PCDHGA3: variants seen among roughly 807,000 people sequenced by gnomAD.
PCDHGA3 encodes protocadherin gamma-A3.
A neutral mutation model predicts 58.5 loss-of-function variants in PCDHGA3; 40 were observed. The ratio of observed to expected loss-of-function variants is 0.68; its 90% CI spans 0.53 to 0.89. The LOEUF (loss-of-function observed/expected upper bound fraction) is 0.89, where lower values mean the gene tolerates loss of function less well. Ranked by LOEUF, PCDHGA3 falls within the 40% of genes least tolerant of loss-of-function variation. PCDHGA3 has a pLI of 0.00. For missense variants in PCDHGA3, 1,223 were observed against 1,195.9 expected (o/e 1.02, Z -0.33); for synonymous variants, 530 against 525.7 (o/e 1.01, Z -0.11).
At chr5:141,433,404 TATTA>T (rs142533293) in intron 1 of PCDHGA3, among the ~76,000 whole-genome samples, 252 of 146,310 alleles carry the variant, frequency 1.7e-3, no homozygotes, top group African/African-American at 6.2e-3. Context: ...TCTATCTATC[TATTA>T]CTTTCTTGTA....
chr5:141,422,876 G>A (rs2096681830), intron 1 of PCDHGA3: 1 of 1,614,248 alleles, frequency 6.2e-7, no homozygotes, highest in Non-Finnish European at 8.5e-7. Context: ...GTGTCGCTGA[G>A]CCTGTTCGTG....
chr5:141,510,015 A>G (rs2099879210), intron 3 of PCDHGA3, among the ~76,000 whole-genome samples: 1 of 152,210 alleles, frequency 6.6e-6, no homozygotes, highest in Non-Finnish European at 1.5e-5. Flanking sequence ...GTCATACCAC[A>G]TAGCTGGCTG....
chr5:141,383,137 C>A (rs750687055), intron 1 of PCDHGA3: 1 of 1,614,112 alleles, frequency 6.2e-7, no homozygotes, highest in Non-Finnish European at 8.5e-7. Flanking sequence ...CCTGAACCAG[C>A]GCAGCGGCAG....
intron 1 of PCDHGA3, among the ~76,000 whole-genome samples, chr5:141,396,957 T>C (rs1169025850): frequency 6.6e-6 from 1 of 152,214 alleles, no homozygotes; most frequent in East Asian, 1.9e-4. Flanking sequence ...AGAAAATCCT[T>C]ACTCTCCCTA....
intron 1 of PCDHGA3, chr5:141,388,978 C>G: frequency 6.2e-7 from 1 of 1,613,972 alleles, no homozygotes; most frequent in Non-Finnish European, 8.5e-7. Flanking sequence ...ACACATATTG[C>G]TTTGCTCAAA....
At chr5:141,415,014 C>G (rs747951360) in intron 1 of PCDHGA3, 1 of 1,613,502 alleles carries the variant, frequency 6.2e-7, no homozygotes, top group African/African-American at 1.3e-5. Flanking sequence ...ACCGTCTGCT[C>G]AAGGCCAGCG....
At chr5:141,420,245 G>A (rs72790042) in intron 1 of PCDHGA3, 83,459 of 1,583,130 alleles carry the variant, frequency 0.053, 2,452 homozygotes, top group African/African-American at 0.1. Context: ...AACTCCCAGC[G>A]TTGAAGCAGA....
At position 141,512,346 on chromosome 5, in the gene PCDHGA3, G is replaced by A. The variant is rs1391003897; in HGVS notation, c.*1173G>A. ...CAGGCCATTCTTAGTCCCTGGGTTG[G>A]GGAGGCAGGGAGCTAGGGCAGGGAC... On this transcript the variant is annotated 3_prime_UTR_variant, in exon 4 of 4. Transcript: ENST00000253812. 6.5e-6 allele frequency: 1 copy of A among 152,876 alleles called. No individual in the cohort carries two copies. Among genetic ancestry groups the A allele is most frequent in the Non-Finnish European group, 1.5e-5 (1 of 68,232 alleles). 9.5% of individuals were successfully genotyped at this position (152,876 alleles called of 1,614,324 possible). A position where few individuals can be genotyped will look rare whatever the true frequency, so the allele number is the denominator to read the frequency against.
chr5:141,366,709 G>A, intron 1 of PCDHGA3: 5 of 1,614,228 alleles, frequency 3.1e-6, no homozygotes, highest in Non-Finnish European at 4.2e-6. Context: ...CTCTTCTGAT[G>A]TCTGATAAGG....
chr5:141,441,835 G>A (rs1423189098), intron 1 of PCDHGA3: 9 of 353,636 alleles, frequency 2.5e-5, no homozygotes, highest in Admixed American at 2.1e-4. Flanking sequence ...CAATGGCTTC[G>A]CGCTCTTGGA....
chr5:141,355,764 G>A (rs1236728620), intron 1 of PCDHGA3: 2 of 1,613,850 alleles, frequency 1.2e-6, no homozygotes, highest in Admixed American at 1.7e-5. Flanking sequence ...GGGCCGATGG[G>A]ATTAAGTACC....
chr5:141,384,586 C>T lies in PCDHGA3; in HGVS notation c.2424+38129C>T, dbSNP rs747814318. ...CCAGAATGACAACCCGCCCGAGATC[C>T]TGTACCCGGCCCTCCCCACAGATGG... On this transcript the variant is annotated intron_variant, in intron 1 of 3. Transcript: ENST00000253812. The T allele has an allele frequency of 2.5e-6, 4 of 1,614,274 alleles. No homozygotes were observed. In the South Asian group the frequency reaches 4.4e-5, roughly 18 times the overall value.
intron 1 of PCDHGA3, chr5:141,384,566 A>G (rs1313512011): frequency 6.2e-7 from 1 of 1,614,244 alleles, no homozygotes; most frequent in African/African-American, 1.3e-5. Flanking sequence ...CTGGACCAGA[A>G]TGACAACCCG....
intron 1 of PCDHGA3, chr5:141,427,749 A>G (rs770208196): frequency 4.6e-6 from 6 of 1,299,142 alleles, no homozygotes; most frequent in South Asian, 2.4e-5. Context: ...CTCCTACTCC[A>G]TCGTTACCAC....
Position 141,394,683 on chromosome 5 carries a change from G to A in PCDHGA3, c.2424+48226G>A, listed in dbSNP as rs1008097766. ...ACTCTTCTCGGTGGGTCTGCACACG[G>A]GCGAGGTGCGCACGGCGCGAGCCCT... On this transcript the variant is annotated intron_variant, in intron 1 of 3. Coordinates refer to ENST00000253812, the MANE Select transcript of PCDHGA3 (RefSeq NM_018916.4). 5 of 1,611,630 alleles carry A rather than the reference G, an allele frequency of 3.1e-6. No homozygotes were observed. In the African/African-American group the frequency reaches 5.4e-5, roughly 17 times the overall value.
chr5:141,374,172 A>C (rs1770228418), intron 1 of PCDHGA3: 1 of 1,613,448 alleles, frequency 6.2e-7, no homozygotes, highest in Non-Finnish European at 8.5e-7. Context: ...GCGGCAGCGC[A>C]GATCCGCTAC....
intron 1 of PCDHGA3, chr5:141,412,510 T>G (rs1007512416): frequency 6.6e-6 from 1 of 152,204 alleles, no homozygotes; most frequent in Non-Finnish European, 1.5e-5. Flanking sequence ...ATAAGTTTAA[T>G]GAATTAAGTA....
chr5:141,374,275 C>A (rs3749775), intron 1 of PCDHGA3: 85,315 of 1,613,944 alleles, frequency 0.053, 2,491 homozygotes, highest in African/African-American at 0.097. Flanking sequence ...AGCACGGAGT[C>A]CGCATCGTCT....
At position 141,491,084 on chromosome 5, in the gene PCDHGA3, C is replaced by T; in HGVS notation, c.2425-3723C>T. On this transcript the variant is annotated intron_variant, in intron 1 of 3. Transcript: ENST00000253812. This position sits in a 1 kb window ranked among gnomAD's most constrained non-coding sequence, Gnocchi z 6.9. ...TACTCACTGTTGCCACAGTCCACAGCCCCAGGACTGTTCCTCGTGTCTACA... is the reference window on the plus strand; with the variant it reads ...TACTCACTGTTGCCACAGTCCACAGTCCCAGGACTGTTCCTCGTGTCTACA... The T allele has an allele frequency of 6.2e-7, 1 of 1,614,106 alleles. No homozygotes were observed. The highest frequency in any genetic ancestry group is 1.1e-5 in the South Asian group (1 of 91,082).
Sources: allele counts gnomAD v4.1 joint callset (sites outside exome capture counted in the v4.1 genomes callset), GRCh38; gene constraint gnomAD v4.1.1; non-coding constraint Gnocchi (gnomAD v3.1); transcripts MANE v1.5; gene names NCBI Gene and HGNC (gene_info 2026-07-23, HGNC 2026-07-21).